DNAH7: variants seen among roughly 807,000 people sequenced by gnomAD.
The protein encoded by DNAH7 is dynein axonemal heavy chain 7.
DNAH7 carries 397 observed loss-of-function variants against 444.6 expected under a neutral mutation model. That is an observed-to-expected ratio of 0.89 (90% CI 0.82 to 0.97). The LOEUF (loss-of-function observed/expected upper bound fraction) is 0.97, where lower values mean the gene tolerates loss of function less well. DNAH7 is among the 50% of genes least tolerant of loss of function. The pLI, the probability that DNAH7 is intolerant of heterozygous loss-of-function variation, is 0.00. For synonymous variants in DNAH7, 1,636 were observed against 1,624.4 expected, an observed-to-expected ratio of 1.01 and a Z score of -0.17; for missense variants, 4,902 against 4,800.8, an observed-to-expected ratio of 1.02 and a Z score of -0.62.
At chr2:195,933,826 C>T (rs1399610834) in intron 21 of DNAH7, among the ~76,000 whole-genome samples, 1 of 151,826 alleles carries the variant, frequency 6.6e-6, no homozygotes, top group Admixed American at 6.6e-5. Flanking sequence ...GTGCAGCACA[C>T]CAACATGGCA....
At chr2:195,978,073 A>T (rs1407202100) in intron 15 of DNAH7, among the ~76,000 whole-genome samples, 5 of 152,180 alleles carry the variant, frequency 3.3e-5, no homozygotes, top group Non-Finnish European at 7.4e-5. Flanking sequence ...CTCATCAATT[A>T]TGGTAAATAA....
At chr2:195,942,920 T>G (rs1410563510) in intron 19 of DNAH7, among the ~76,000 whole-genome samples, 1 of 152,104 alleles carries the variant, frequency 6.6e-6, no homozygotes, top group Non-Finnish European at 1.5e-5. Flanking sequence ...CCCACCCAAA[T>G]CTCACCTTGA....
chr2:196,059,317 T>C lies in DNAH7; in HGVS notation c.16-1201A>G, dbSNP rs138769724. On this transcript the variant is annotated intron_variant, in intron 1 of 64. Transcript: ENST00000312428. The stretch of plus-strand genomic sequence containing the variant: ...TTTGCAGTAGAGAATAATTCCATGG[T>C]AGAAGTTTTGTCTAAGTGAGAGGAA... 9.5e-3 allele frequency among the ~76,000 whole-genome samples: 1,440 copies of C among 152,310 alleles called. 13 individuals carry two copies. Among genetic ancestry groups the C allele is most frequent in the South Asian group, 0.024 (114 of 4,828 alleles).
At chr2:195,848,867 T>G (rs533449277) in intron 46 of DNAH7, among the ~76,000 whole-genome samples, 2 of 152,186 alleles carry the variant, frequency 1.3e-5, no homozygotes, top group South Asian at 4.2e-4. Flanking sequence ...ATGGTTGGGG[T>G]GAGGGCTTAG....
intron 44 of DNAH7, 71 bp downstream of exon 44, chr2:195,857,306 T>A: frequency 1.5e-6 from 2 of 1,321,644 alleles, no homozygotes; most frequent in Non-Finnish European, 2.1e-6. Context: ...AACTTTTAAA[T>A]TGTATATTTT....
At chr2:195,909,183 G>C (rs1022777468) in intron 25 of DNAH7, among the ~76,000 whole-genome samples, 1 of 151,882 alleles carries the variant, frequency 6.6e-6, no homozygotes. Context: ...ATAAACTCTC[G>C]CAACACACAA....
chr2:195,855,300 T>TA (rs1216027971), intron 45 of DNAH7, among the ~76,000 whole-genome samples: 1 of 152,194 alleles, frequency 6.6e-6, no homozygotes, highest in Non-Finnish European at 1.5e-5. Context: ...CTAATTAAGT[T>TA]AGAGTAGTAT....
chr2:195,838,186 A>G (rs1698482654), intron 47 of DNAH7, among the ~76,000 whole-genome samples: 2 of 152,106 alleles, frequency 1.3e-5, no homozygotes, highest in Admixed American at 6.6e-5. Flanking sequence ...ACAGAAGGAG[A>G]ACTAAGAATT....
intron 22 of DNAH7, 74 bp downstream of exon 22, chr2:195,926,352 T>C: frequency 8.0e-7 from 1 of 1,250,106 alleles, no homozygotes; most frequent in Non-Finnish European, 1.0e-6. Flanking sequence ...TTTTAGTTTT[T>C]AAAATAAGTG....
chr2:196,047,208 T>C (rs1697186949), intron 5 of DNAH7, 144 bp downstream of exon 5: 1 of 577,726 alleles, frequency 1.7e-6, no homozygotes, highest in Non-Finnish European at 2.7e-6. Flanking sequence ...CTCAATCTCT[T>C]TCATTCTTTA....
At chr2:196,011,879 T>G (rs947386600) in intron 10 of DNAH7, among the ~76,000 whole-genome samples, 1 of 152,158 alleles carries the variant, frequency 6.6e-6, no homozygotes, top group Admixed American at 6.6e-5. Flanking sequence ...TCAAGATAAT[T>G]TATTTGTATC....
At chr2:195,868,494 A>G (rs1700486086) in intron 40 of DNAH7, among the ~76,000 whole-genome samples, 1 of 151,248 alleles carries the variant, frequency 6.6e-6, no homozygotes, top group Non-Finnish European at 1.5e-5. Flanking sequence ...GGCCATTTGT[A>G]TATCATCTTT....
intron 62 of DNAH7, among the ~76,000 whole-genome samples, chr2:195,754,790 G>C (rs1485295906): frequency 6.6e-6 from 1 of 152,132 alleles, no homozygotes; most frequent in East Asian, 1.9e-4. Flanking sequence ...TGGGATTACA[G>C]GCATGAGCCA....
chr2:195,988,248 A>G lies in DNAH7; in HGVS notation c.1354-19T>C, dbSNP rs1405820941. 1 of 1,556,532 alleles carries G rather than the reference A, an allele frequency of 6.4e-7. No individual in the cohort carries two copies. Among genetic ancestry groups the G allele is most frequent in the East Asian group, 2.3e-5 (1 of 44,342 alleles). The stretch of plus-strand genomic sequence containing the variant: ...TACTTTCCTAAACAAGGGGGTAAAA[A>G]TAATAGTATTTAAAATATCTTAAAG... On this transcript the variant is annotated intron_variant, in intron 12 of 64. Coordinates refer to ENST00000312428, the MANE Select transcript of DNAH7 (RefSeq NM_018897.3).
chr2:196,003,162 C>CAAAA (rs796806394), intron 10 of DNAH7, among the ~76,000 whole-genome samples: 1 of 118,748 alleles, frequency 8.4e-6, no homozygotes. Context: ...GCAATTTCAC[C>CAAAA]AAAAAAAAAA....
chr2:195,897,725 C>G lies in DNAH7; in HGVS notation c.4589G>C (p.Arg1530Thr), dbSNP rs773777125. The G allele has an allele frequency of 1.9e-6, 3 of 1,562,408 alleles. No individual in the cohort carries two copies. The African/African-American group carries it at 4.1e-5, about 22-fold the overall frequency. ...PNENEEILLLRSIIDVNLPKF... is the reference protein window; with the variant it reads ...PNENEEILLLTSIIDVNLPKF... ...TGGCAGATTTACATCAATGATAGAT[C>G]TAAGCAGCAAAATTTCTTCATTTTC... Residue 1530 changes from arginine (R) to threonine (T), a missense_variant, in exon 29 of 65, where the codon AGA (arginine) becomes ACA (threonine). Coordinates refer to ENST00000312428, the MANE Select transcript of DNAH7 (RefSeq NM_018897.3).
Position 195,763,604 on chromosome 2 carries a change from T to G in DNAH7, c.11434-7319A>C, listed in dbSNP as rs529884949. Among the ~76,000 whole-genome samples the G allele has an allele frequency of 6.4e-4, 97 of 152,128 alleles. 1 individual carries two copies. Among genetic ancestry groups the G allele is most frequent in the Middle Eastern group, 3.4e-3 (1 of 294 alleles). On this transcript the variant is annotated intron_variant, in intron 61 of 64. Coordinates refer to ENST00000312428, the MANE Select transcript of DNAH7 (RefSeq NM_018897.3). The stretch of plus-strand genomic sequence containing the variant: ...AGTGGCTACTATTAGCAATTTATTA[T>G]ACCAATAAACTGGAAAACCTAGAAG...
intron 57 of DNAH7, among the ~76,000 whole-genome samples, chr2:195,791,375 G>GAAAAA (rs545585624): frequency 9.8e-6 from 1 of 101,564 alleles, no homozygotes; most frequent in Non-Finnish European, 2.1e-5. Context: ...GCTGAAGCAG[G>GAAAAA]AAAAAAAAAA....
intron 21 of DNAH7, among the ~76,000 whole-genome samples, chr2:195,928,393 A>G (rs1688478492): frequency 1.3e-5 from 2 of 152,218 alleles, no homozygotes; most frequent in Non-Finnish European, 2.9e-5. Context: ...TCAGATATAC[A>G]TAAAATAATG....
Sources: allele counts gnomAD v4.1 joint callset (sites outside exome capture counted in the v4.1 genomes callset), GRCh38; gene constraint gnomAD v4.1.1; transcripts MANE v1.5; gene names NCBI Gene and HGNC (gene_info 2026-07-23, HGNC 2026-07-21).